HCN1: variants seen among roughly 807,000 people sequenced by gnomAD.
HCN1 encodes hyperpolarization activated cyclic nucleotide gated potassium channel 1.
A neutral mutation model predicts 78.9 loss-of-function variants in HCN1; 13 were observed. The ratio of observed to expected loss-of-function variants is 0.16; its 90% CI spans 0.11 to 0.26. The LOEUF is 0.26. Among genes scored for constraint, HCN1 ranks in the 10% least tolerant of loss-of-function variants. HCN1 has a pLI of 1.00. For missense variants in HCN1, 810 were observed against 1,154.3 expected (o/e 0.70, Z 4.32); for synonymous variants, 552 against 455.5 (o/e 1.21, Z -2.70).
intron 4 of HCN1, among the ~76,000 whole-genome samples, chr5:45,362,918 G>A (rs1747146037): frequency 6.6e-6 from 1 of 151,380 alleles, no homozygotes; most frequent in South Asian, 2.1e-4. Flanking sequence ...TGAAAGTGTG[G>A]TCTACTTTTG....
chr5:45,374,214 TTATGTACATTATATACATAACA>T (rs1747539759), intron 4 of HCN1, among the ~76,000 whole-genome samples: 3 of 118,050 alleles, frequency 2.5e-5, no homozygotes, highest in South Asian at 2.6e-4. Flanking sequence ...AACATATATA[TTATGTACATTATATACATAACA>T]TATATATTAT....
chr5:45,645,463 T>G lies in HCN1; in HGVS notation c.571A>C (p.Ile191Leu). 6.2e-7 allele frequency: 1 copy of G among 1,613,748 alleles called. No individual in the cohort carries two copies. The highest frequency in any genetic ancestry group is 8.5e-7 in the Non-Finnish European group (1 of 1,179,822). Residue 191 changes from isoleucine to leucine, a missense_variant, in exon 2 of 8, where the codon ATC becomes CTC. Physicochemically the swap from Ile to Leu is conservative, Grantham distance 5. This residue lies in a region of HCN1 where 104 missense variants were observed against 402.8 expected (regional missense o/e 0.26). Coordinates refer to ENST00000303230, the MANE Select transcript of HCN1 (RefSeq NM_021072.4). ...ACAGTCCCAGTCCTAAAATTCATGATCAGGTCCAATAGGAAAACTGTATCT... is the reference window on the plus strand; with the variant it reads ...ACAGTCCCAGTCCTAAAATTCATGAGCAGGTCCAATAGGAAAACTGTATCT... Reference protein sequence around the residue: ...ASDTVFLLDLIMNFRTGTVNE... With the variant: ...ASDTVFLLDLLMNFRTGTVNE...
chr5:45,354,063 G>C (rs181786189), intron 4 of HCN1, among the ~76,000 whole-genome samples: 3 of 149,810 alleles, frequency 2.0e-5, no homozygotes, highest in African/African-American at 4.9e-5. Flanking sequence ...GAGAGAGAGA[G>C]AGATTGTTTG....
intron 5 of HCN1, among the ~76,000 whole-genome samples, chr5:45,319,558 G>A (rs1044950344): frequency 6.6e-6 from 1 of 151,688 alleles, no homozygotes; most frequent in African/African-American, 2.4e-5. Context: ...TCTATGTTAA[G>A]AGTTCTTCTT....
intron 5 of HCN1, among the ~76,000 whole-genome samples, chr5:45,340,122 T>C (rs576058605): frequency 6.6e-6 from 1 of 152,272 alleles, no homozygotes; most frequent in South Asian, 2.1e-4. Flanking sequence ...GGTTTCACTA[T>C]GTTGGTCAGG....
At chr5:45,300,042 G>C (rs2111899028) in intron 6 of HCN1, among the ~76,000 whole-genome samples, 1 of 152,086 alleles carries the variant, frequency 6.6e-6, no homozygotes, top group Middle Eastern at 3.4e-3. Flanking sequence ...TAAGTCCAGG[G>C]AGGAACATAT....
intron 3 of HCN1, among the ~76,000 whole-genome samples, chr5:45,412,948 A>G (rs1740051768): frequency 6.6e-6 from 1 of 152,094 alleles, no homozygotes; most frequent in African/African-American, 2.4e-5. Flanking sequence ...GGCATGCAGA[A>G]AGATTGCTAT....
At chr5:45,493,694 C>A (rs1741949588) in intron 2 of HCN1, among the ~76,000 whole-genome samples, 1 of 151,588 alleles carries the variant, frequency 6.6e-6, no homozygotes, top group Non-Finnish European at 1.5e-5. Context: ...TGGTGCGCTG[C>A]ACCCACTAAC....
intron 2 of HCN1, among the ~76,000 whole-genome samples, chr5:45,497,724 T>A (rs990658885): frequency 6.6e-6 from 1 of 152,190 alleles, no homozygotes; most frequent in Non-Finnish European, 1.5e-5. Context: ...CAGCTGGTAC[T>A]GGTTGTTCCT....
intron 1 of HCN1, among the ~76,000 whole-genome samples, chr5:45,681,766 T>C (rs1739706419): frequency 6.6e-6 from 1 of 152,194 alleles, no homozygotes; most frequent in African/African-American, 2.4e-5. Flanking sequence ...AAAAGTAATG[T>C]AATTATTTCT....
chr5:45,373,227 T>C (rs183138944), intron 4 of HCN1, among the ~76,000 whole-genome samples: 1,705 of 117,284 alleles, frequency 0.015, 49 homozygotes, highest in African/African-American at 0.054. Flanking sequence ...ATATAATATA[T>C]ATTTTACATT....
At chr5:45,525,476 TATA>T (rs1268795434) in intron 2 of HCN1, among the ~76,000 whole-genome samples, 1 of 151,566 alleles carries the variant, frequency 6.6e-6, no homozygotes, top group African/African-American at 2.4e-5. Flanking sequence ...ATAAAATGAA[TATA>T]AATATAATTA....
In HCN1 at chr5:45,651,750, G is replaced by A. The variant is rs543791804; in HGVS notation, c.426-6142C>T. ...TAAAATATGTGTATTTAGAAACTTC[G>A]CAAAAAAGTTTCATTGGCCAGGTTT... On this transcript the variant is annotated intron_variant, in intron 1 of 7. Coordinates refer to ENST00000303230, the MANE Select transcript of HCN1 (RefSeq NM_021072.4). Among the ~76,000 whole-genome samples the A allele has an allele frequency of 7.2e-5, 11 of 151,850 alleles. No homozygotes were observed. In the South Asian group the frequency reaches 2.1e-3, roughly 29 times the overall value.
chr5:45,463,985 T>C (rs1440197487), intron 2 of HCN1, among the ~76,000 whole-genome samples: 2 of 152,096 alleles, frequency 1.3e-5, no homozygotes, highest in African/African-American at 2.4e-5. Flanking sequence ...ATTATAAGTA[T>C]ACAGGCAGTG....
rs151099293 is a variant in HCN1, at chr5:45,350,210, C to A, written c.1377+2890G>T. Among the ~76,000 whole-genome samples, 99 of 152,280 alleles carry A rather than the reference C, an allele frequency of 6.5e-4. 1 individual carries two copies. In the East Asian group the frequency reaches 0.011, roughly 18 times the overall value. ...TGGGCTTCATCCCTGGGATGCAAGG[C>A]TGGTTCAATATATACAAATCAATAA... On this transcript the variant is annotated intron_variant, in intron 5 of 7. Transcript: ENST00000303230.
intron 2 of HCN1, among the ~76,000 whole-genome samples, chr5:45,636,968 A>T (rs1041800572): frequency 6.6e-6 from 1 of 152,224 alleles, no homozygotes; most frequent in Non-Finnish European, 1.5e-5. Context: ...AACATTCATA[A>T]TATAACTTAA....
chr5:45,559,237 A>G (rs1743546887), intron 2 of HCN1: 1 of 152,120 alleles, frequency 6.6e-6, no homozygotes, highest in Non-Finnish European at 1.5e-5. Context: ...TTCATGACTG[A>G]TATCAAGGCA....
chr5:45,485,330 C>T (rs1187115645), intron 2 of HCN1, among the ~76,000 whole-genome samples: 1 of 152,122 alleles, frequency 6.6e-6, no homozygotes, highest in Non-Finnish European at 1.5e-5. Flanking sequence ...TGCATGTAAA[C>T]CATGTTCCTT....
chr5:45,378,241 T>C (rs947196177), intron 4 of HCN1, among the ~76,000 whole-genome samples: 6 of 152,094 alleles, frequency 3.9e-5, no homozygotes, highest in Non-Finnish European at 1.5e-5. Context: ...TTTGTCATTA[T>C]CCCTCATCAA....
Sources: allele counts gnomAD v4.1 joint callset (sites outside exome capture counted in the v4.1 genomes callset), GRCh38; gene constraint gnomAD v4.1.1; regional missense constraint gnomAD v4.1.1; transcripts MANE v1.5; gene names NCBI Gene and HGNC (gene_info 2026-07-23, HGNC 2026-07-21).